The following TBC1D32 variants were observed in gnomAD, a reference collection of about 807,000 sequenced individuals.
TBC1D32 encodes protein broad-minded.
In TBC1D32, 151 loss-of-function variants were observed where a neutral mutation model predicts 170.3. That is an observed-to-expected ratio of 0.89 (90% CI 0.78 to 1.01). The LOEUF (loss-of-function observed/expected upper bound fraction) is 1.01. TBC1D32 is among the 50% of genes least tolerant of loss of function. TBC1D32 has a pLI of 0.00. For synonymous variants in TBC1D32, 498 were observed against 488.0 expected (o/e 1.02, Z -0.27); for missense variants, 1,464 against 1,457.1 (o/e 1.00, Z -0.08).
At chr6:121,133,417 T>C (rs1474786294) in intron 24 of TBC1D32, among the ~76,000 whole-genome samples, 1 of 151,984 alleles carries the variant, frequency 6.6e-6, no homozygotes, top group Non-Finnish European at 1.5e-5. Flanking sequence ...ACTGCCCTCA[T>C]GAAATGCACA....
intron 30 of TBC1D32, among the ~76,000 whole-genome samples, chr6:121,103,492 C>T (rs1343837588): frequency 6.7e-6 from 1 of 149,002 alleles, no homozygotes; most frequent in Non-Finnish European, 1.5e-5. Flanking sequence ...GGACAGAAAA[C>T]CAAACACTGC....
At chr6:121,273,982 G>GC (rs1255393355) in intron 15 of TBC1D32, among the ~76,000 whole-genome samples, 6 of 152,194 alleles carry the variant, frequency 3.9e-5, no homozygotes, top group Admixed American at 3.3e-4. Context: ...TGAGGAGGCT[G>GC]CTTGATTCAC....
chr6:121,329,888 G>A (rs1810983152), intron 1 of TBC1D32, among the ~76,000 whole-genome samples: 1 of 151,942 alleles, frequency 6.6e-6, no homozygotes, highest in Admixed American at 6.5e-5. Context: ...GAAAGAACAA[G>A]TATTTTACAT....
intron 20 of TBC1D32, among the ~76,000 whole-genome samples, chr6:121,229,578 T>A (rs1346102036): frequency 1.3e-5 from 2 of 152,166 alleles, no homozygotes; most frequent in Non-Finnish European, 2.9e-5. Context: ...GTTTATTCTT[T>A]CATTAGAGGG....
At chr6:121,252,762 T>C (rs1229274962) in intron 17 of TBC1D32, among the ~76,000 whole-genome samples, 5 of 152,004 alleles carry the variant, frequency 3.3e-5, no homozygotes, top group Non-Finnish European at 7.4e-5. Context: ...AACAGACATG[T>C]AGACCAATGG....
In TBC1D32 at chr6:121,205,172, G is replaced by C. The variant is rs1433450464; in HGVS notation, c.2482-9C>G. 2 of 1,333,664 alleles carry C rather than the reference G, an allele frequency of 1.5e-6. No homozygotes were observed. Among genetic ancestry groups the C allele is most frequent in the Admixed American group, 2.5e-5 (1 of 40,522 alleles). The allele number at this position is 1,333,664 out of a possible 1,614,324, so 82.6% of individuals were successfully genotyped here. ...AGTCTATCAATAATATCCTGAAAAAGACAGACAAAATGAGACTGTATTTAA... is the reference window on the plus strand; with the variant it reads ...AGTCTATCAATAATATCCTGAAAAACACAGACAAAATGAGACTGTATTTAA... On this transcript the variant is annotated splice_polypyrimidine_tract_variant and intron_variant, in intron 21 of 31. Transcript: ENST00000398212.
intron 31 of TBC1D32, among the ~76,000 whole-genome samples, chr6:121,084,660 T>C (rs1776001679): frequency 1.3e-5 from 2 of 152,148 alleles, no homozygotes; most frequent in African/African-American, 4.8e-5. Context: ...TTTGTATCAG[T>C]TGATGTTTGC....
At chr6:121,264,249 A>C (rs1244141782) in intron 15 of TBC1D32, among the ~76,000 whole-genome samples, 2 of 152,178 alleles carry the variant, frequency 1.3e-5, no homozygotes, top group Non-Finnish European at 2.9e-5. Flanking sequence ...AAGAGATATC[A>C]CCACCAACCC....
intron 3 of TBC1D32, among the ~76,000 whole-genome samples, chr6:121,313,610 T>C (rs1808550908): frequency 6.6e-6 from 1 of 152,176 alleles, no homozygotes; most frequent in Non-Finnish European, 1.5e-5. Context: ...CCTAGCTATC[T>C]TTCCCTTTCA....
Position 121,303,754 on chromosome 6 carries a change from C to A in TBC1D32, c.943G>T (p.Glu315Ter). 1 of 1,532,026 alleles carries A rather than the reference C, an allele frequency of 6.5e-7. No homozygotes were observed. The highest frequency in any genetic ancestry group is 1.3e-5 in the South Asian group (1 of 77,158). The allele number at this position is 1,532,026 out of a possible 1,614,324, so 94.9% of individuals were successfully genotyped here. A position where few individuals can be genotyped will look rare whatever the true frequency, so the allele number is the denominator to read the frequency against. ...FWIRHPEKYM[E>*]EIVESTLSLL... The stretch of plus-strand genomic sequence containing the variant: ...GACAAAGTACTCTCCACAATTTCTT[C>A]CATATACCTTAAAGTTTGGGAAAAA... The change falls in exon 9 of 32, where the codon GAA becomes TAA. Residue 315 changes from glutamate (E) to a stop codon, truncating the protein, a stop_gained. Coordinates refer to ENST00000398212, the MANE Select transcript of TBC1D32 (RefSeq NM_152730.6). LOFTEE classifies it high-confidence loss of function.
intron 1 of TBC1D32, among the ~76,000 whole-genome samples, chr6:121,327,926 A>G (rs1431564261): frequency 1.3e-5 from 2 of 152,182 alleles, no homozygotes; most frequent in Non-Finnish European, 2.9e-5. Flanking sequence ...TAAAGATACT[A>G]TGAATGTCCT....
chr6:121,161,859 T>G (rs1785710177), intron 22 of TBC1D32, among the ~76,000 whole-genome samples: 1 of 152,256 alleles, frequency 6.6e-6, no homozygotes, highest in African/African-American at 2.4e-5. Context: ...TTTTTGACTT[T>G]TTAATAATAG....
At chr6:121,301,676 T>TA (rs1426140595) in intron 9 of TBC1D32, among the ~76,000 whole-genome samples, 5 of 152,082 alleles carry the variant, frequency 3.3e-5, no homozygotes, top group African/African-American at 9.7e-5. Context: ...CCCTGGAACT[T>TA]AAAGTATAGT....
intron 21 of TBC1D32, among the ~76,000 whole-genome samples, chr6:121,220,052 C>G (rs1007442762): frequency 1.3e-5 from 2 of 152,152 alleles, no homozygotes; most frequent in African/African-American, 4.8e-5. Context: ...CTCCTTATTA[C>G]CTGAGACACA....
At chr6:121,287,081 G>T (rs1803980567) in intron 12 of TBC1D32, among the ~76,000 whole-genome samples, 1 of 152,162 alleles carries the variant, frequency 6.6e-6, no homozygotes, top group Non-Finnish European at 1.5e-5. Flanking sequence ...AGGCTAGGAA[G>T]AAACTGCATC....
intron 26 of TBC1D32, among the ~76,000 whole-genome samples, chr6:121,124,963 T>A (rs1259744242): frequency 6.6e-6 from 1 of 152,238 alleles, no homozygotes; most frequent in Non-Finnish European, 1.5e-5. Flanking sequence ...TATGTTGAAC[T>A]TCCTTAAAAC....
Position 121,304,646 on chromosome 6 carries a change from T to C in TBC1D32, c.770-21A>G, listed in dbSNP as rs1200554211. The C allele has an allele frequency of 3.2e-6, 5 of 1,569,374 alleles. No individual in the cohort carries two copies. The Admixed American group carries it at 9.1e-5, about 28-fold the overall frequency. On this transcript the variant is annotated intron_variant, in intron 6 of 31. Transcript: ENST00000398212. ...CTTAGCTGAAAAAAAAGGGAAAACATAAAATTACATCATTCATTTACAGTG... is the reference window on the plus strand; with the variant it reads ...CTTAGCTGAAAAAAAAGGGAAAACACAAAATTACATCATTCATTTACAGTG...
intron 4 of TBC1D32, among the ~76,000 whole-genome samples, chr6:121,309,991 C>T (rs1023077673): frequency 3.9e-5 from 6 of 151,998 alleles, no homozygotes; most frequent in Non-Finnish European, 8.8e-5. Flanking sequence ...TTCATGATTG[C>T]GCCACTGTGC....
intron 15 of TBC1D32, among the ~76,000 whole-genome samples, chr6:121,276,630 C>T (rs1050583476): frequency 6.6e-5 from 10 of 151,940 alleles, no homozygotes; most frequent in Non-Finnish European, 1.0e-4. Flanking sequence ...AGTCAAGACC[C>T]AACTACATGT....
Sources: gnomAD v4.1 joint callset for allele counts (sites outside exome capture counted in the v4.1 genomes callset) on GRCh38, gnomAD v4.1.1 for gene constraint, MANE v1.5 for transcripts, NCBI Gene and HGNC (gene_info 2026-07-23, HGNC 2026-07-21) for gene names.